GRIN2A: variants seen among roughly 807,000 people sequenced by gnomAD.
The protein encoded by GRIN2A is glutamate ionotropic receptor NMDA type subunit 2A, also known as glutamate receptor ionotropic, NMDA 2A.
In GRIN2A, 22 loss-of-function variants were observed where a neutral mutation model predicts 113.4. That is an observed-to-expected ratio of 0.19 (90% CI 0.14 to 0.28). The LOEUF is 0.28. GRIN2A is among the 10% of genes least tolerant of loss of function. The probability of loss-of-function intolerance (pLI) is 1.00; values close to 1 mark genes in which losing one functional copy is unlikely to be tolerated. For synonymous variants in GRIN2A, 827 were observed against 738.4 expected (o/e 1.12, Z -1.94); for missense variants, 1,502 against 1,887.0 (o/e 0.80, Z 3.78).
chr16:10,096,337 C>T (rs537376528), intron 2 of GRIN2A, among the ~76,000 whole-genome samples: 19 of 152,186 alleles, frequency 1.2e-4, no homozygotes, highest in Non-Finnish European at 2.6e-4. Context: ...CCTAACCACC[C>T]GGAGACTTGT....
At chr16:9,907,193 T>C (rs1269282780) in intron 3 of GRIN2A, among the ~76,000 whole-genome samples, 3 of 152,224 alleles carry the variant, frequency 2.0e-5, no homozygotes, top group Non-Finnish European at 4.4e-5. Context: ...AAAGAGATTA[T>C]AAACATTTGT....
At chr16:9,928,010 C>T (rs2044502565) in intron 3 of GRIN2A, among the ~76,000 whole-genome samples, 1 of 152,216 alleles carries the variant, frequency 6.6e-6, no homozygotes, top group Non-Finnish European at 1.5e-5. Flanking sequence ...ACCAGCAGAT[C>T]TGCCAGTTCA....
At chr16:10,107,714 C>G (rs1021971188) in intron 2 of GRIN2A, among the ~76,000 whole-genome samples, 3 of 152,240 alleles carry the variant, frequency 2.0e-5, no homozygotes, top group Non-Finnish European at 4.4e-5. Flanking sequence ...AGCAGCTCAC[C>G]TGAGACAAGC....
At chr16:10,074,852 T>C (rs1245357618) in intron 2 of GRIN2A, among the ~76,000 whole-genome samples, 17 of 152,248 alleles carry the variant, frequency 1.1e-4, no homozygotes, top group Non-Finnish European at 2.4e-4. Flanking sequence ...CATTGGACTG[T>C]GAACTTTAAC....
At chr16:10,155,933 T>G (rs1419798064) in intron 2 of GRIN2A, among the ~76,000 whole-genome samples, 1 of 152,138 alleles carries the variant, frequency 6.6e-6, no homozygotes, top group Non-Finnish European at 1.5e-5. Context: ...CAAGGTGAGA[T>G]TTAGGTGGGG....
intron 2 of GRIN2A, among the ~76,000 whole-genome samples, chr16:10,062,166 C>T (rs558808630): frequency 1.4e-4 from 22 of 152,214 alleles, no homozygotes; most frequent in African/African-American, 2.9e-4. Context: ...TTATGGATTG[C>T]GAGTATCCAC....
At chr16:10,036,640 G>A (rs939806595) in intron 2 of GRIN2A, among the ~76,000 whole-genome samples, 2 of 150,912 alleles carry the variant, frequency 1.3e-5, no homozygotes, top group African/African-American at 2.4e-5. Context: ...TAGAGATGGC[G>A]TTTCACTGTG....
chr16:10,001,735 A>G (rs933913648), intron 2 of GRIN2A, among the ~76,000 whole-genome samples: 5 of 152,338 alleles, frequency 3.3e-5, no homozygotes, highest in South Asian at 2.1e-4. Context: ...CCTGAGTCAC[A>G]TGGCCTGCTT....
intron 9 of GRIN2A, among the ~76,000 whole-genome samples, chr16:9,825,795 A>G (rs2042377466): frequency 6.6e-6 from 1 of 152,180 alleles, no homozygotes; most frequent in South Asian, 2.1e-4. Flanking sequence ...GCAGCAGCAC[A>G]GTGCCCAGAG....
At chr16:9,882,462 A>G (rs1489924052) in intron 4 of GRIN2A, among the ~76,000 whole-genome samples, 2 of 152,150 alleles carry the variant, frequency 1.3e-5, no homozygotes, top group Non-Finnish European at 2.9e-5. Context: ...CCTTAATGAG[A>G]CAAATTGGAA....
intron 5 of GRIN2A, among the ~76,000 whole-genome samples, chr16:9,842,147 A>T (rs1252827311): frequency 2.6e-5 from 4 of 152,110 alleles, no homozygotes; most frequent in African/African-American, 9.7e-5. Flanking sequence ...GATACTCAGG[A>T]GGCTGAGGCA....
intron 5 of GRIN2A, among the ~76,000 whole-genome samples, chr16:9,841,583 A>G (rs951703844): frequency 3.9e-5 from 6 of 152,208 alleles, no homozygotes; most frequent in African/African-American, 1.2e-4. Flanking sequence ...GCTTCATTCT[A>G]TAATTACAGA....
intron 3 of GRIN2A, among the ~76,000 whole-genome samples, chr16:9,896,054 T>A (rs1235845812): frequency 1.4e-5 from 1 of 70,960 alleles, no homozygotes. Flanking sequence ...TCACAGCAAC[T>A]TTTTTTTTTT....
rs144145265 is a variant in GRIN2A, at chr16:9,922,978, C to T, written c.1007+14981G>A. On this transcript the variant is annotated intron_variant, in intron 3 of 12. Coordinates refer to ENST00000330684, the MANE Select transcript of GRIN2A (RefSeq NM_001134407.3). ...TGTTCTGTTGTTGGGTGGAGTGTTC[C>T]ACAAGCAAATATTAGGTCAACTTGG... is the stretch of plus-strand genomic sequence containing the variant. Among the ~76,000 whole-genome samples, 484 of 151,976 alleles carry T rather than the reference C, an allele frequency of 3.2e-3. 4 individuals carry two copies. The highest frequency in any genetic ancestry group is 0.011 in the African/African-American group (460 of 41,456).
intron 11 of GRIN2A, among the ~76,000 whole-genome samples, chr16:9,788,997 C>T (rs7194040): frequency 0.33 from 50,064 of 152,008 alleles, 8,410 homozygotes; most frequent in African/African-American, 0.39. Flanking sequence ...CCTCCTCGGC[C>T]TCTCAAAGTG....
At chr16:10,112,639 A>C in intron 2 of GRIN2A, 2 of 767,030 alleles carry the variant, frequency 2.6e-6, no homozygotes, top group Non-Finnish European at 2.4e-6. Context: ...GATGCCATGG[A>C]GAAGAGCAGC....
chr16:9,942,636 C>T (rs2044911336), intron 2 of GRIN2A, among the ~76,000 whole-genome samples: 2 of 152,166 alleles, frequency 1.3e-5, no homozygotes, highest in African/African-American at 4.8e-5. Context: ...CAAGAACTGG[C>T]CTCTCCAGGT....
At chr16:9,778,727 A>G (rs918582391) in intron 11 of GRIN2A, among the ~76,000 whole-genome samples, 10 of 152,146 alleles carry the variant, frequency 6.6e-5, no homozygotes, top group African/African-American at 2.2e-4. Flanking sequence ...TAGTTTTCCT[A>G]TCCATGACCA....
At chr16:9,975,246 C>T (rs987694063) in intron 2 of GRIN2A, among the ~76,000 whole-genome samples, 1 of 152,088 alleles carries the variant, frequency 6.6e-6, no homozygotes, top group South Asian at 2.1e-4. Flanking sequence ...ATGTCCACAC[C>T]TTTAACCCTG....
Sources: allele counts gnomAD v4.1 joint callset (sites outside exome capture counted in the v4.1 genomes callset), GRCh38; gene constraint gnomAD v4.1.1; transcripts MANE v1.5; gene names NCBI Gene and HGNC (gene_info 2026-07-23, HGNC 2026-07-21).